Variants in RGS6 observed in about 807,000 individuals in gnomAD.
RGS6 encodes the protein regulator of G protein signaling 6.
Under a neutral mutation model 78.5 loss-of-function variants are expected in RGS6, and 30 were observed. The observed-to-expected ratio is 0.38, with a 90% CI of 0.29 to 0.52. The LOEUF (loss-of-function observed/expected upper bound fraction) is 0.52, where lower values mean the gene tolerates loss of function less well. RGS6 is among the 20% of genes least tolerant of loss of function. The probability of loss-of-function intolerance (pLI) is 0.85; values close to 1 mark genes in which losing one functional copy is unlikely to be tolerated. For missense variants in RGS6, 495 were observed against 609.7 expected (o/e 0.81, Z 1.98); for synonymous variants, 206 against 206.0 (o/e 1.00, Z 0.00).
intron 15 of RGS6, among the ~76,000 whole-genome samples, chr14:72,531,646 C>T (rs868518610): frequency 1.3e-5 from 2 of 152,142 alleles, no homozygotes; most frequent in Middle Eastern, 6.8e-3. Flanking sequence ...CTGCTTTCTA[C>T]TTTCACTTTC....
chr14:72,109,991 T>C (rs2095717134), intron 2 of RGS6, among the ~76,000 whole-genome samples: 1 of 152,258 alleles, frequency 6.6e-6, no homozygotes, highest in Non-Finnish European at 1.5e-5. Flanking sequence ...AGAAAGTGGA[T>C]TTGTTACCAC....
At chr14:72,241,166 A>AAC (rs1555569886) in intron 2 of RGS6, among the ~76,000 whole-genome samples, 1 of 151,730 alleles carries the variant, frequency 6.6e-6, no homozygotes, top group Non-Finnish European at 1.5e-5. Flanking sequence ...AAAAAAAAAA[A>AAC]AAAAACAAAA....
downstream of RGS6, among the ~76,000 whole-genome samples, chr14:72,566,875 C>T (rs1726467554): frequency 6.6e-6 from 1 of 152,140 alleles, no homozygotes; most frequent in African/African-American, 2.4e-5. Context: ...AACCCTGTGG[C>T]TGCTCTGACA....
At chr14:72,380,387 A>G (rs1356840845) in intron 3 of RGS6, among the ~76,000 whole-genome samples, 1 of 152,090 alleles carries the variant, frequency 6.6e-6, no homozygotes, top group East Asian at 1.9e-4. Context: ...ATCTTACAGA[A>G]TGAGAGAAAA....
rs529823010 is a variant in RGS6 at position 72,397,640 on chromosome 14, G to T, written c.184+45446G>T. Among the ~76,000 whole-genome samples the T allele has an allele frequency of 4.2e-3, 633 of 152,286 alleles. 4 individuals carry two copies. The highest frequency in any genetic ancestry group is 0.015 in the African/African-American group (606 of 41,556). ...CCTGTCTTGTGCCCGTTTCCAAAGG[G>T]AATGCTTCCAGTTTTTGTCCATTCA... is the stretch of plus-strand genomic sequence containing the variant. On this transcript the variant is annotated intron_variant, in intron 3 of 17. Transcript: ENST00000553525.
intron 3 of RGS6, among the ~76,000 whole-genome samples, chr14:72,443,634 TCAAATTTGCA>T: frequency 6.6e-6 from 1 of 152,162 alleles, no homozygotes; most frequent in East Asian, 1.9e-4. Context: ...CTTTTCAGAT[TCAAATTTGCA>T]CAAATGAAGT....
chr14:72,340,725 T>C lies in RGS6; in HGVS notation c.85-11370T>C, dbSNP rs1263304963. ...TTCTTGTTCCATCTGAAAATGCACT[T>C]CTCTCCAGAGCTCTGGGAGACTGTG... On this transcript the variant is annotated intron_variant, in intron 2 of 17. Coordinates refer to ENST00000553525, the MANE Select transcript of RGS6 (RefSeq NM_001204424.2). Among the ~76,000 whole-genome samples the C allele has an allele frequency of 2.0e-5, 3 of 152,172 alleles. No individual in the cohort carries two copies. The East Asian group carries it at 5.8e-4, about 29-fold the overall frequency.
intron 3 of RGS6, among the ~76,000 whole-genome samples, chr14:72,383,802 TG>T (rs981280579): frequency 9.9e-5 from 15 of 150,758 alleles, no homozygotes; most frequent in Admixed American, 2.0e-4. Flanking sequence ...TTTCAAAGGG[TG>T]GGGGGGGACG....
chr14:71,926,430 A>G, the RGS6 span, among the ~76,000 whole-genome samples: 12,330 of 152,050 alleles, frequency 0.081, 630 homozygotes, highest in East Asian at 0.19. Flanking sequence ...CTAAAAATAC[A>G]AAAATTAGCC....
chr14:72,382,638 C>G (rs150071101), intron 3 of RGS6, among the ~76,000 whole-genome samples: 1 of 152,302 alleles, frequency 6.6e-6, no homozygotes, highest in East Asian at 1.9e-4. Flanking sequence ...ATTGAAGACA[C>G]TCATCTTAGC....
At chr14:71,945,368 T>G (rs190377001) in intron 1 of RGS6, among the ~76,000 whole-genome samples, 28 of 152,346 alleles carry the variant, frequency 1.8e-4, no homozygotes, top group Admixed American at 2.6e-4. Context: ...ACTAATTGTT[T>G]AAGAACTATT....
chr14:72,225,754 G>A (rs2047982088), intron 2 of RGS6, among the ~76,000 whole-genome samples: 1 of 151,908 alleles, frequency 6.6e-6, no homozygotes, highest in Admixed American at 6.6e-5. Context: ...GCAAAAATAG[G>A]GTCATACTAT....
intron 3 of RGS6, among the ~76,000 whole-genome samples, chr14:72,372,637 C>A (rs2083744800): frequency 1.3e-5 from 2 of 152,162 alleles, no homozygotes; most frequent in African/African-American, 4.8e-5. Context: ...AGAGGACACT[C>A]TATAGAGTCA....
chr14:72,191,531 A>G (rs1250601166), intron 2 of RGS6, among the ~76,000 whole-genome samples: 1 of 152,224 alleles, frequency 6.6e-6, no homozygotes, highest in Admixed American at 6.5e-5. Flanking sequence ...AAGATGAAGG[A>G]AGAGCAAAGG....
intron 2 of RGS6, among the ~76,000 whole-genome samples, chr14:72,222,761 G>A (rs1442376092): frequency 2.6e-5 from 4 of 152,188 alleles, no homozygotes; most frequent in Non-Finnish European, 5.9e-5. Flanking sequence ...TACTCAATAG[G>A]ATAAAGAGAG....
chr14:72,607,700 T>TC, the RGS6 span, among the ~76,000 whole-genome samples: 1 of 152,096 alleles, frequency 6.6e-6, no homozygotes, highest in African/African-American at 2.4e-5. Context: ...TGAGCCTAAG[T>TC]CCCCCTGATT....
rs369926736 is a variant in RGS6 at position 72,217,564 on chromosome 14, G to C, written c.85-134531G>C. ...TAGTTTTTTTCTAATTTAAAAAAAA[G>C]TAACACAATATGGGCTCATTGTAAC... On this transcript the variant is annotated intron_variant, in intron 2 of 17. Coordinates refer to ENST00000553525, the MANE Select transcript of RGS6 (RefSeq NM_001204424.2). Among the ~76,000 whole-genome samples, 16 of 152,110 alleles carry C rather than the reference G, an allele frequency of 1.1e-4. No individual in the cohort carries two copies. In the South Asian group the frequency reaches 3.3e-3, roughly 32 times the overall value.
Position 72,427,097 on chromosome 14 carries a change from A to G in RGS6, c.185-27431A>G, listed in dbSNP as rs140090159. Among the ~76,000 whole-genome samples the G allele has an allele frequency of 2.0e-5, 3 of 152,356 alleles. No individual in the cohort carries two copies. In the East Asian group the frequency reaches 5.8e-4, roughly 29 times the overall value. On this transcript the variant is annotated intron_variant, in intron 3 of 17. Coordinates refer to ENST00000553525, the MANE Select transcript of RGS6 (RefSeq NM_001204424.2). ...GCCTAATTTGCTGGCCATGTGAGTC[A>G]TCTTGAAAGTACTGTAGGTTCAAGG...
chr14:72,179,143 G>GC (rs1401685011), intron 2 of RGS6, among the ~76,000 whole-genome samples: 1 of 152,166 alleles, frequency 6.6e-6, no homozygotes, highest in Non-Finnish European at 1.5e-5. Context: ...AGACCAGTGA[G>GC]CCCCCGCATT....
Sources: gnomAD v4.1 joint callset for allele counts (sites outside exome capture counted in the v4.1 genomes callset) on GRCh38, gnomAD v4.1.1 for gene constraint, MANE v1.5 for transcripts, NCBI Gene and HGNC (gene_info 2026-07-23, HGNC 2026-07-21) for gene names.